The following APP variants were observed in gnomAD, a reference collection of about 807,000 sequenced individuals.
APP encodes the protein amyloid beta precursor protein.
APP carries 31 observed loss-of-function variants against 101.4 expected under a neutral mutation model. The ratio of observed to expected loss-of-function variants is 0.31; its 90% CI spans 0.23 to 0.41. APP has a LOEUF of 0.41. APP is among the 10% of genes least tolerant of loss of function. APP has a pLI of 1.00. For missense variants in APP, 839 were observed against 1,003.7 expected (o/e 0.84, Z 2.22); for synonymous variants, 366 against 364.4 (o/e 1.00, Z -0.05).
At chr21:26,156,000 C>CAAAAAA (rs757330872) in intron 1 of APP, among the ~76,000 whole-genome samples, 1 of 90,178 alleles carries the variant, frequency 1.1e-5, no homozygotes. Context: ...GACTTCGTCT[C>CAAAAAA]AAAAAAAAAA....
At chr21:26,053,427 A>G in intron 3 of APP, 79 bp from the exon 4 acceptor site, 1 of 1,049,872 alleles carries the variant, frequency 9.5e-7, no homozygotes, top group Non-Finnish European at 1.5e-6. Flanking sequence ...AAGGAAAGAT[A>G]GACTTCAAGA....
At chr21:26,086,079 T>A (rs2061696181) in intron 3 of APP, among the ~76,000 whole-genome samples, 1 of 152,230 alleles carries the variant, frequency 6.6e-6, no homozygotes, top group South Asian at 2.1e-4. Context: ...AGTGCCAATT[T>A]CAACAGTGGA....
rs139601148 is a variant in APP at position 26,116,143 on chromosome 21, G to C, written c.58-3997C>G. Among the ~76,000 whole-genome samples, 719 of 152,268 alleles carry C rather than the reference G, an allele frequency of 4.7e-3. 6 individuals carry two copies. Among genetic ancestry groups the C allele is most frequent in the Non-Finnish European group, 8.0e-3 (543 of 68,022 alleles). On this transcript the variant is annotated intron_variant, in intron 1 of 17. Transcript: ENST00000346798. ...TTCCTGACAATGAACAAAATAACCA[G>C]CTAAAAACAATGAAGCATTCATAAA...
chr21:26,140,280 T>G (rs1188896548), intron 1 of APP: 8 of 1,535,650 alleles, frequency 5.2e-6, no homozygotes, highest in Non-Finnish European at 6.1e-6. Context: ...AACTGTTAAC[T>G]GCAGTGACCA....
chr21:26,060,407 G>C (rs1437171320), intron 3 of APP, among the ~76,000 whole-genome samples: 6 of 152,166 alleles, frequency 3.9e-5, no homozygotes, highest in Non-Finnish European at 8.8e-5. Flanking sequence ...TGGCTGGGAG[G>C]GGGTGTTTCC....
In APP at chr21:26,102,242, C is replaced by G. The variant is rs1313609430; in HGVS notation, c.225+9737G>C. Among the ~76,000 whole-genome samples the G allele has an allele frequency of 5.3e-5, 8 of 152,070 alleles. No individual in the cohort carries two copies. In the East Asian group the frequency reaches 1.6e-3, roughly 30 times the overall value. On this transcript the variant is annotated intron_variant, in intron 2 of 17. Transcript: ENST00000346798. ...TAGCTGGGACTACAGGTGCCCACCA[C>G]CACGCCCGGCAAATATTTTTGTATT...
chr21:25,946,355 A>T (rs1183487536), intron 13 of APP, among the ~76,000 whole-genome samples: 1 of 152,226 alleles, frequency 6.6e-6, no homozygotes, highest in East Asian at 1.9e-4. Flanking sequence ...AGAATATATA[A>T]AAATTCTTAC....
chr21:26,030,800 G>GT, intron 5 of APP, among the ~76,000 whole-genome samples: 1 of 152,300 alleles, frequency 6.6e-6, no homozygotes, highest in East Asian at 1.9e-4. Flanking sequence ...CATGTCCAAA[G>GT]GTTTAGCTGC....
intron 5 of APP, among the ~76,000 whole-genome samples, chr21:26,039,494 A>G (rs577076965): frequency 1.4e-4 from 22 of 152,380 alleles, no homozygotes; most frequent in Admixed American, 1.2e-3. Flanking sequence ...GCTATGCTAT[A>G]AAGATTATTT....
At chr21:26,034,542 T>C (rs953808277) in intron 5 of APP, among the ~76,000 whole-genome samples, 15 of 148,322 alleles carry the variant, frequency 1.0e-4, no homozygotes, top group Non-Finnish European at 2.1e-4. Flanking sequence ...CTTGGGAGGC[T>C]GAGGCAGGAG....
chr21:26,168,983 GA>G (rs1038781311), intron 1 of APP, among the ~76,000 whole-genome samples: 1 of 152,080 alleles, frequency 6.6e-6, no homozygotes, highest in African/African-American at 2.4e-5. Context: ...TTTTCTTTTG[GA>G]AAATTACTAG....
intron 11 of APP, 76 bp downstream of exon 11, chr21:25,974,994 C>T: frequency 1.9e-6 from 3 of 1,590,346 alleles, no homozygotes; most frequent in Non-Finnish European, 2.6e-6. Context: ...TTTTGTATGG[C>T]TTCCAGTTCC....
chr21:26,108,518 G>A (rs1181385792), intron 2 of APP, among the ~76,000 whole-genome samples: 1 of 152,192 alleles, frequency 6.6e-6, no homozygotes, highest in African/African-American at 2.4e-5. Flanking sequence ...GAAGATATAT[G>A]GTAGGGGACA....
intron 6 of APP, among the ~76,000 whole-genome samples, chr21:26,002,055 C>G (rs2043319592): frequency 6.6e-6 from 1 of 152,180 alleles, no homozygotes; most frequent in Non-Finnish European, 1.5e-5. Context: ...GTACAGAAAT[C>G]CAATTTGCTT....
intron 3 of APP, among the ~76,000 whole-genome samples, chr21:26,073,199 T>C (rs1221581688): frequency 1.3e-5 from 2 of 152,170 alleles, no homozygotes; most frequent in Non-Finnish European, 2.9e-5. Flanking sequence ...ATATTTAGAA[T>C]TTCTGAATTC....
At chr21:26,148,598 A>C (rs1264366791) in intron 1 of APP, among the ~76,000 whole-genome samples, 1 of 152,246 alleles carries the variant, frequency 6.6e-6, no homozygotes, top group African/African-American at 2.4e-5. Flanking sequence ...ATGCTAAAGC[A>C]GTGAAATGTG....
At chr21:25,964,398 C>T (rs917796872) in intron 11 of APP, among the ~76,000 whole-genome samples, 10 of 152,112 alleles carry the variant, frequency 6.6e-5, no homozygotes, top group African/African-American at 2.4e-4. Flanking sequence ...CTAACAAAAG[C>T]TAAAACAACA....
chr21:26,116,052 T>C (rs991493872), intron 1 of APP, among the ~76,000 whole-genome samples: 2 of 152,210 alleles, frequency 1.3e-5, no homozygotes, highest in Non-Finnish European at 2.9e-5. Context: ...AAGGTAATTC[T>C]TGTAAACTGA....
intron 3 of APP, among the ~76,000 whole-genome samples, chr21:26,086,676 G>A (rs915846374): frequency 1.5e-4 from 23 of 152,082 alleles, no homozygotes; most frequent in Admixed American, 6.5e-5. Flanking sequence ...TAATATGTAA[G>A]AATGTTACCT....
Sources: allele counts gnomAD v4.1 joint callset (sites outside exome capture counted in the v4.1 genomes callset), GRCh38; gene constraint gnomAD v4.1.1; transcripts MANE v1.5; gene names NCBI Gene and HGNC (gene_info 2026-07-23, HGNC 2026-07-21).